Variants in ATP10B observed in about 807,000 individuals in gnomAD.
ATP10B encodes ATPase phospholipid transporting 10B (putative).
Under a neutral mutation model 141.2 loss-of-function variants are expected in ATP10B, and 122 were observed. That is an observed-to-expected ratio of 0.86 (90% CI 0.75 to 1.00). The LOEUF is 1.00. ATP10B is among the 50% of genes least tolerant of loss of function. The probability of loss-of-function intolerance (pLI) is 0.00; values close to 1 mark genes in which losing one functional copy is unlikely to be tolerated. For synonymous variants in ATP10B, 685 were observed against 692.0 expected, an observed-to-expected ratio of 0.99 and a Z score of 0.16; for missense variants, 1,876 against 1,825.3, an observed-to-expected ratio of 1.03 and a Z score of -0.51.
the ATP10B span, among the ~76,000 whole-genome samples, chr5:160,896,239 CAA>C: frequency 0.47 from 68,302 of 146,790 alleles, 17,195 homozygotes; most frequent in Non-Finnish European, 0.56. Flanking sequence ...AAAAACCCTT[CAA>C]AAAAAAAAAA....
chr5:160,746,280 T>C (rs1342469647), intron 2 of ATP10B, among the ~76,000 whole-genome samples: 1 of 152,188 alleles, frequency 6.6e-6, no homozygotes, highest in African/African-American at 2.4e-5. Context: ...GGGGGTTATA[T>C]ATGAGGAGAA....
intron 2 of ATP10B, among the ~76,000 whole-genome samples, chr5:160,782,753 G>A (rs1312385695): frequency 6.6e-6 from 1 of 151,560 alleles, no homozygotes; most frequent in Non-Finnish European, 1.5e-5. Flanking sequence ...ATTAATTCCT[G>A]AGGTGCAATA....
rs372019508 is a variant in ATP10B at position 160,622,478 on chromosome 5, G to A, written c.1728C>T (p.Thr576=). ...DSRPAKASLS[T]TSSIADFFLA... ...GGAAGAAATCAGCAATGGAGGAGGT[G>A]GTGGAGAGGGAAGCCTTGGCAGGTC... The change falls in exon 14 of 26, where the codon ACC becomes ACT. Residue 576 remains threonine (T), a synonymous_variant. Coordinates refer to ENST00000327245, the MANE Select transcript of ATP10B (RefSeq NM_025153.3). The A allele has an allele frequency of 2.5e-6, 4 of 1,614,018 alleles. No homozygotes were observed. Among genetic ancestry groups the A allele is most frequent in the Non-Finnish European group, 3.4e-6 (4 of 1,180,032 alleles).
At chr5:160,915,523 G>T in the ATP10B span, among the ~76,000 whole-genome samples, 5 of 152,160 alleles carry the variant, frequency 3.3e-5, no homozygotes, top group Middle Eastern at 3.4e-3. Context: ...GCAGAGATGG[G>T]GTTTTACCGT....
intron 1 of ATP10B, among the ~76,000 whole-genome samples, chr5:160,841,083 A>G (rs1343911143): frequency 6.6e-6 from 1 of 152,152 alleles, no homozygotes; most frequent in Non-Finnish European, 1.5e-5. Context: ...TCAGCAGCCC[A>G]TTTCTAGGAA....
intron 1 of ATP10B, among the ~76,000 whole-genome samples, chr5:160,822,024 G>A (rs1774149460): frequency 6.6e-6 from 1 of 151,990 alleles, no homozygotes; most frequent in African/African-American, 2.4e-5. Flanking sequence ...ATCACATCAA[G>A]TTAAAAATCT....
At chr5:160,853,473 G>C (rs1158775585), upstream of ATP10B, among the ~76,000 whole-genome samples, 1 of 152,168 alleles carries the variant, frequency 6.6e-6, no homozygotes, top group Non-Finnish European at 1.5e-5. Flanking sequence ...TGGTGAACAT[G>C]GGACCTCAAA....
At chr5:160,925,543 G>T in the ATP10B span, among the ~76,000 whole-genome samples, 3 of 152,202 alleles carry the variant, frequency 2.0e-5, no homozygotes, top group African/African-American at 7.2e-5. Context: ...ATTGCCTCTT[G>T]CATATAAGAG....
At chr5:160,616,096 C>T in intron 16 of ATP10B, 132 bp from the exon 17 acceptor site, 1 of 871,108 alleles carries the variant, frequency 1.1e-6, no homozygotes, top group Non-Finnish European at 1.5e-6. Flanking sequence ...GCTTTCTTCT[C>T]AAAGACTTTT....
chr5:160,590,113 A>G (rs1447547886), intron 23 of ATP10B, among the ~76,000 whole-genome samples: 5 of 152,206 alleles, frequency 3.3e-5, no homozygotes, highest in Non-Finnish European at 7.3e-5. Flanking sequence ...AGAAGAGGAT[A>G]TATTAGCTGA....
At chr5:160,885,330 A>T in the ATP10B span, among the ~76,000 whole-genome samples, 1 of 152,238 alleles carries the variant, frequency 6.6e-6, no homozygotes. Flanking sequence ...CATGGCCCAG[A>T]TGGGGAATGT....
intron 7 of ATP10B, among the ~76,000 whole-genome samples, chr5:160,651,208 T>G (rs1760708954): frequency 6.6e-6 from 1 of 152,172 alleles, no homozygotes; most frequent in Non-Finnish European, 1.5e-5. Context: ...CAAACCTATT[T>G]AAATCTCATG....
the ATP10B span, among the ~76,000 whole-genome samples, chr5:160,920,208 G>A: frequency 3.0e-4 from 45 of 152,162 alleles, no homozygotes; most frequent in Non-Finnish European, 5.1e-4. Context: ...ACAGCCCTAC[G>A]GGGTATGTAG....
At chr5:160,644,331 G>A (rs1760113637) in intron 8 of ATP10B, 87 bp from the exon 9 acceptor site, 1 of 891,204 alleles carries the variant, frequency 1.1e-6, no homozygotes, top group Admixed American at 1.8e-5. Context: ...GAAGTGGTGA[G>A]TGAACATGAT....
the ATP10B span, among the ~76,000 whole-genome samples, chr5:160,890,093 C>A: frequency 6.6e-6 from 1 of 152,148 alleles, no homozygotes; most frequent in African/African-American, 2.4e-5. Flanking sequence ...AATTTGCATT[C>A]TTATTATTTG....
At chr5:160,896,594 C>T in the ATP10B span, among the ~76,000 whole-genome samples, 2 of 152,168 alleles carry the variant, frequency 1.3e-5, no homozygotes, top group East Asian at 3.8e-4. Context: ...GATGGATTCA[C>T]AGCTGAATTT....
chr5:160,590,329 A>G (rs547658535), intron 23 of ATP10B, among the ~76,000 whole-genome samples: 2 of 152,238 alleles, frequency 1.3e-5, no homozygotes, highest in Admixed American at 6.5e-5. Context: ...AGGAAGTTCA[A>G]GCAAAACACA....
At chr5:160,856,004 GTAGA>G (rs1274162807), upstream of ATP10B, among the ~76,000 whole-genome samples, 1 of 151,772 alleles carries the variant, frequency 6.6e-6, no homozygotes, top group African/African-American at 2.4e-5. Flanking sequence ...TTAAAATCAG[GTAGA>G]TAGATTCCTT....
chr5:160,848,681 A>C (rs1753589527), intron 1 of ATP10B, among the ~76,000 whole-genome samples: 1 of 152,178 alleles, frequency 6.6e-6, no homozygotes, highest in Non-Finnish European at 1.5e-5. Flanking sequence ...AAGACATCAA[A>C]ATTGCATCCA....
Sources: gnomAD v4.1 joint callset for allele counts (sites outside exome capture counted in the v4.1 genomes callset) on GRCh38, gnomAD v4.1.1 for gene constraint, MANE v1.5 for transcripts, NCBI Gene and HGNC (gene_info 2026-07-23, HGNC 2026-07-21) for gene names.